Variants in ZNF28 observed in about 807,000 individuals in gnomAD.
ZNF28 encodes zinc finger protein KOX24.
A neutral mutation model predicts 7.2 loss-of-function variants in ZNF28; 5 were observed. The observed-to-expected ratio is 0.70, with a 90% CI of 0.36 to 1.46. The LOEUF is 1.46. ZNF28 is among the 40% of genes most tolerant of loss of function. The pLI, the probability that ZNF28 is intolerant of heterozygous loss-of-function variation, is 0.03. For missense variants in ZNF28, 879 were observed against 866.6 expected (o/e 1.01, Z -0.18); for synonymous variants, 288 against 292.4 (o/e 0.99, Z 0.15).
intron 2 of ZNF28, among the ~76,000 whole-genome samples, chr19:52,811,729 C>T (rs1366596762): frequency 6.1e-5 from 9 of 148,206 alleles, no homozygotes; most frequent in African/African-American, 1.5e-4. Context: ...GGAGCGTCTC[C>T]GCCCGGCAGC....
rs997774521 is a variant in ZNF28 at position 52,801,764 on chromosome 19, G to A, written c.143-62C>T. On this transcript the variant is annotated intron_variant, in intron 3 of 3. Transcript: ENST00000457749. The stretch of plus-strand genomic sequence containing the variant: ...TACAGATGGTGTATAATACTGAAAT[G>A]TGTAAATATGACACAAAAAACAATA... 15 of 1,420,066 alleles carry A rather than the reference G, an allele frequency of 1.1e-5. No homozygotes were observed. In the Admixed American group the frequency reaches 2.9e-4, roughly 28 times the overall value. The allele number at this position is 1,420,066 out of a possible 1,614,324, so 88.0% of individuals were successfully genotyped here.
intron 2 of ZNF28, chr19:52,810,143 G>A (rs554009095): frequency 2.1e-5 from 19 of 903,782 alleles, no homozygotes; most frequent in East Asian, 9.6e-5. Flanking sequence ...AGGGTGACCC[G>A]GGGCTGGAAG....
chr19:52,820,982 C>G (rs1453923551), intron 1 of ZNF28, among the ~76,000 whole-genome samples: 2 of 152,070 alleles, frequency 1.3e-5, no homozygotes, highest in Non-Finnish European at 2.9e-5. Context: ...CTCGGAGAAG[C>G]GCATTTTCCC....
In ZNF28 at chr19:52,798,152, A is replaced by T. The variant is rs1179955469; in HGVS notation, c.*1536T>A. On this transcript the variant is annotated 3_prime_UTR_variant, in exon 4 of 4. Transcript: ENST00000457749. ...AACAAAAACAAAAAAAAGAAAAAAGAAAGAAAGAATAGAAATGAAAACACA... is the reference window on the plus strand; with the variant it reads ...AACAAAAACAAAAAAAAGAAAAAAGTAAGAAAGAATAGAAATGAAAACACA... The T allele has an allele frequency of 6.4e-6, 1 of 156,982 alleles. No individual in the cohort carries two copies. Among genetic ancestry groups the T allele is most frequent in the Non-Finnish European group, 1.4e-5 (1 of 71,508 alleles). 9.7% of individuals were successfully genotyped at this position (156,982 alleles called of 1,614,324 possible). A position where few individuals can be genotyped will look rare whatever the true frequency, so the allele number is the denominator to read the frequency against.
In ZNF28 at chr19:52,804,530, A is replaced by G. The variant is rs141622719; in HGVS notation, c.143-2828T>C. Among the ~76,000 whole-genome samples the G allele has an allele frequency of 3.1e-3, 466 of 152,134 alleles. 2 individuals are homozygous for G. Among genetic ancestry groups the G allele is most frequent in the African/African-American group, 0.011 (443 of 41,508 alleles). On this transcript the variant is annotated intron_variant, in intron 3 of 3. Coordinates refer to ENST00000457749, the MANE Select transcript of ZNF28 (RefSeq NM_006969.5). Reference sequence around the variant, plus strand: ...GGATTACAGGCGCACGCCACCATACACAGCTAATTTTTGCATTTTTAGTAG... The same window carrying G: ...GGATTACAGGCGCACGCCACCATACGCAGCTAATTTTTGCATTTTTAGTAG...
At chr19:52,818,284 C>T (rs896487000) in intron 1 of ZNF28, among the ~76,000 whole-genome samples, 3 of 152,134 alleles carry the variant, frequency 2.0e-5, no homozygotes, top group African/African-American at 7.2e-5. Flanking sequence ...AATACAAAAA[C>T]TTAGCCAGAT....
At position 52,798,589 on chromosome 19, in the gene ZNF28, A is replaced by G; in HGVS notation, c.*1099T>C. 2.1e-6 allele frequency: 1 copy of G among 481,260 alleles called. No individual in the cohort carries two copies. The highest frequency in any genetic ancestry group is 1.6e-5 in the South Asian group (1 of 63,674). 29.8% of individuals were successfully genotyped at this position (481,260 alleles called of 1,614,324 possible). A position where few individuals can be genotyped will look rare whatever the true frequency, so the allele number is the denominator to read the frequency against. ...GAATGTGAAGTAAACGCTTTGCCAC[A>G]ATCATCACACTTGTGAGTTTCTCTC... On this transcript the variant is annotated 3_prime_UTR_variant, in exon 4 of 4. Transcript: ENST00000457749.
intron 2 of ZNF28, among the ~76,000 whole-genome samples, chr19:52,809,109 T>C (rs2062977211): frequency 6.6e-6 from 1 of 152,180 alleles, no homozygotes; most frequent in Non-Finnish European, 1.5e-5. Flanking sequence ...AAGAGGAATC[T>C]CATCTTGCTG....
In ZNF28 at chr19:52,817,420, T is replaced by C. The variant is rs571220359; in HGVS notation, c.15+524A>G. On this transcript the variant is annotated intron_variant, in intron 2 of 3. Coordinates refer to ENST00000457749, the MANE Select transcript of ZNF28 (RefSeq NM_006969.5). ...GAATCATTAATGTATTATTCATCTA[T>C]GTATGAACATTCCATTCTAATTAGT... Among the ~76,000 whole-genome samples, 22 of 152,276 alleles carry C rather than the reference T, an allele frequency of 1.4e-4. No individual in the cohort carries two copies. In the South Asian group the frequency reaches 1.5e-3, roughly 10 times the overall value.
In ZNF28 at chr19:52,801,232, T is replaced by G; in HGVS notation, c.613A>C (p.Lys205Gln). Residue 205 changes from lysine to glutamine, a missense_variant, in exon 4 of 4, where the codon AAA becomes CAA. Coordinates refer to ENST00000457749, the MANE Select transcript of ZNF28 (RefSeq NM_006969.5). The stretch of plus-strand genomic sequence containing the variant: ...TTTTCTCTCATGTGTACATTCCGTT[T>G]TTGTGTGAGTAATGAAGAATGGAGG... ...NSLHSSLLTQ[K>Q]RNVHMREKSF... is the part of the protein sequence containing the mutation. 1 of 1,614,152 alleles carries G rather than the reference T, an allele frequency of 6.2e-7. No individual in the cohort carries two copies. Among genetic ancestry groups the G allele is most frequent in the East Asian group, 2.2e-5 (1 of 44,870 alleles).
At chr19:52,810,208 T>C (rs2147650107) in intron 2 of ZNF28, 1 of 1,080,862 alleles carries the variant, frequency 9.3e-7, no homozygotes, top group East Asian at 2.4e-5. Flanking sequence ...CTAAAGGAGC[T>C]ACAGAACGAC....
Position 52,801,143 on chromosome 19 carries a change from C to T in ZNF28, c.702G>A (p.Gln234=), listed in dbSNP as rs1451229779. ...FNCSSLLKKH[Q]ITHLEEKQCK... is the part of the protein sequence containing the mutation. ...ATTGTTTCTCTTCTAAGTGGGTTATCTGATGTTTTTTTAAAAGTGAGCTAC... is the reference window on the plus strand; with the variant it reads ...ATTGTTTCTCTTCTAAGTGGGTTATTTGATGTTTTTTTAAAAGTGAGCTAC... Residue 234 remains glutamine (Q), a synonymous_variant, in exon 4 of 4, where the codon CAG becomes CAA. Coordinates refer to ENST00000457749, the MANE Select transcript of ZNF28 (RefSeq NM_006969.5). 8 of 1,613,884 alleles carry T rather than the reference C, an allele frequency of 5.0e-6. No individual in the cohort carries two copies. Among genetic ancestry groups the T allele is most frequent in the Non-Finnish European group, 5.9e-6 (7 of 1,179,998 alleles).
chr19:52,821,033 G>A (rs1196792780), intron 1 of ZNF28, among the ~76,000 whole-genome samples: 3 of 152,136 alleles, frequency 2.0e-5, no homozygotes, highest in Non-Finnish European at 4.4e-5. Context: ...CGCGTCACAG[G>A]ACAAGCCCCA....
intron 2 of ZNF28, among the ~76,000 whole-genome samples, chr19:52,815,293 A>C (rs1444404845): frequency 1.4e-5 from 2 of 144,558 alleles, no homozygotes; most frequent in Non-Finnish European, 3.0e-5. Flanking sequence ...AGGCTGCTGG[A>C]TCACCTGAAG....
chr19:52,805,325 C>G (rs1244671526), intron 3 of ZNF28: 1 of 149,618 alleles, frequency 6.7e-6, no homozygotes, highest in Non-Finnish European at 1.5e-5. Context: ...AACCCACAAG[C>G]ATATATAAAG....
Position 52,801,622 on chromosome 19 carries a change from G to T in ZNF28, c.223C>A (p.Gln75Lys). ...NTEAFHTGTL[Q>K]RQASHHIGDF... ...CCAATGTGATGACTTGCTTGTCTTTGCAATGTCCCTGTGTGGAACGCTTCT... is the reference window on the plus strand; with the variant it reads ...CCAATGTGATGACTTGCTTGTCTTTTCAATGTCCCTGTGTGGAACGCTTCT... Residue 75 changes from glutamine to lysine, a missense_variant, in exon 4 of 4, where the codon CAA (glutamine) becomes AAA (lysine). Gln to Lys is a moderately conservative substitution (Grantham distance 53, BLOSUM62 1). Transcript: ENST00000457749. The T allele has an allele frequency of 6.2e-7, 1 of 1,614,074 alleles. No homozygotes were observed. The highest frequency in any genetic ancestry group is 8.5e-7 in the Non-Finnish European group (1 of 1,179,996).
chr19:52,798,753 C>A lies in ZNF28; in HGVS notation c.*935G>T. On this transcript the variant is annotated 3_prime_UTR_variant, in exon 4 of 4. Transcript: ENST00000457749. ...TATGAACGATATCTGAAAAATCTGT[C>A]ACATTTATTACACTTGTAAGATCTC... is the stretch of plus-strand genomic sequence containing the variant. 1.7e-6 allele frequency: 1 copy of A among 591,832 alleles called. No homozygotes were observed. Among genetic ancestry groups the A allele is most frequent in the South Asian group, 1.5e-5 (1 of 65,218 alleles). The allele number at this position is 591,832 out of a possible 1,614,324, so 36.7% of individuals were successfully genotyped here.
chr19:52,807,977 A>C, intron 3 of ZNF28, 30 bp downstream of exon 3: 1 of 1,612,200 alleles, frequency 6.2e-7, no homozygotes, highest in Non-Finnish European at 8.5e-7. Flanking sequence ...AAAGATACAC[A>C]AGGGCACATC....
chr19:52,802,107 A>T (rs569912645), intron 3 of ZNF28, among the ~76,000 whole-genome samples: 2 of 152,386 alleles, frequency 1.3e-5, no homozygotes, highest in East Asian at 3.9e-4. Context: ...CACACAATAT[A>T]CTATATTGGT....
Sources: allele counts gnomAD v4.1 joint callset (sites outside exome capture counted in the v4.1 genomes callset), GRCh38; gene constraint gnomAD v4.1.1; transcripts MANE v1.5; gene names NCBI Gene and HGNC (gene_info 2026-07-23, HGNC 2026-07-21).